MED28: variants seen among roughly 807,000 people sequenced by gnomAD.
MED28 encodes mediator of RNA polymerase II transcription subunit 28.
In MED28, 26 loss-of-function variants were observed where a neutral mutation model predicts 21.3. The observed-to-expected ratio is 1.22, with a 90% CI of 0.89 to 1.69. The LOEUF (loss-of-function observed/expected upper bound fraction) is 1.69, where lower values mean the gene tolerates loss of function less well. Among genes scored for constraint, MED28 ranks in the 40% most tolerant of loss-of-function variants. The pLI, the probability that MED28 is intolerant of heterozygous loss-of-function variation, is 0.00. For synonymous variants in MED28, 110 were observed against 87.6 expected (o/e 1.26, Z -1.43); for missense variants, 257 against 215.4 (o/e 1.19, Z -1.21).
Position 17,633,514 on chromosome 4 carries a change from A to G in MED28, c.*9716A>G, listed in dbSNP as rs1437853597. ...CAGACCTCCAGGCCAGATGGAGTCC[A>G]CCTTTTGTATAACCCATGCTGAAGT... On this transcript the variant is annotated 3_prime_UTR_variant, in exon 4 of 4. Transcript: ENST00000237380. 1 of 551,570 alleles carries G rather than the reference A, an allele frequency of 1.8e-6. No homozygotes were observed. The highest frequency in any genetic ancestry group is 3.7e-5 in the Admixed American group (1 of 26,756). 34.2% of individuals were successfully genotyped at this position (551,570 alleles called of 1,614,324 possible).
rs181375867 is a variant in MED28, at chr4:17,626,305, G to C, written c.*2507G>C. 70 of 152,520 alleles carry C rather than the reference G, an allele frequency of 4.6e-4. No homozygotes were observed. The highest frequency in any genetic ancestry group is 1.7e-3 in the African/African-American group (69 of 41,594). The allele number at this position is 152,520 out of a possible 1,614,324, so 9.4% of individuals were successfully genotyped here. A position where few individuals can be genotyped will look rare whatever the true frequency, so the allele number is the denominator to read the frequency against. ...GCTAGAATGTAGCAAGTATTCTTCA[G>C]GTGTTAGTGATTTCTGTTGTTCGGG... is the stretch of plus-strand genomic sequence containing the variant. On this transcript the variant is annotated 3_prime_UTR_variant, in exon 4 of 4. Transcript: ENST00000237380.
At chr4:17,620,266 G>T (rs1218098683) in intron 2 of MED28, among the ~76,000 whole-genome samples, 1 of 151,866 alleles carries the variant, frequency 6.6e-6, no homozygotes, top group African/African-American at 2.4e-5. Context: ...GTCTTACAGA[G>T]AAAAGTCTCT....
At chr4:17,617,750 A>G (rs1309770582) in intron 1 of MED28, among the ~76,000 whole-genome samples, 1 of 152,090 alleles carries the variant, frequency 6.6e-6, no homozygotes, top group Non-Finnish European at 1.5e-5. Flanking sequence ...CTAACTAAAA[A>G]TACAAAAATT....
chr4:17,619,929 A>T lies in MED28; in HGVS notation c.188A>T (p.Asp63Val). ...EACFASLVSQDYVNGTDQEEI... is the reference protein window; with the variant it reads ...EACFASLVSQVYVNGTDQEEI... ...TGCTTTGCATCTCTGGTGAGTCAGG[A>T]CTATGTCAATGGCACCGATCAGGAA... The change falls in exon 2 of 4, where the codon GAC becomes GTC. Residue 63 changes from aspartate to valine, a missense_variant. Coordinates refer to ENST00000237380, the MANE Select transcript of MED28 (RefSeq NM_025205.5). 6.2e-7 allele frequency: 1 copy of T among 1,614,126 alleles called. No homozygotes were observed. Among genetic ancestry groups the T allele is most frequent in the Non-Finnish European group, 8.5e-7 (1 of 1,179,996 alleles).
In MED28 at chr4:17,623,529, C is replaced by T. The variant is rs1274907167; in HGVS notation, c.340-72C>T. 4.1e-6 allele frequency: 6 copies of T among 1,448,812 alleles called. No individual in the cohort carries two copies. In the Admixed American group the frequency reaches 1.0e-4, roughly 25 times the overall value. The allele number at this position is 1,448,812 out of a possible 1,614,324, so 89.7% of individuals were successfully genotyped here. A position where few individuals can be genotyped will look rare whatever the true frequency, so the allele number is the denominator to read the frequency against. On this transcript the variant is annotated intron_variant, in intron 3 of 3. Transcript: ENST00000237380. ...ATTCTCTTTGTTTTGAATTGTTAGCCTCTTAACTAACCAGAACCGTATGTG... is the reference window on the plus strand; with the variant it reads ...ATTCTCTTTGTTTTGAATTGTTAGCTTCTTAACTAACCAGAACCGTATGTG...
At chr4:17,621,018 G>GGTT (rs530142104) in intron 2 of MED28, among the ~76,000 whole-genome samples, 9 of 130,748 alleles carry the variant, frequency 6.9e-5, no homozygotes, top group South Asian at 2.4e-4. Flanking sequence ...TCTGCCTTGT[G>GGTT]TTTTTTTTTT....
At position 17,629,967 on chromosome 4, in the gene MED28, T is replaced by C. The variant is rs982851952; in HGVS notation, c.*6169T>C. ...CAAGGCATATGGCCTCAATAAAAAA[T>C]TATGGAAGCATGCAAAGATTTTGTT... is the stretch of plus-strand genomic sequence containing the variant. On this transcript the variant is annotated 3_prime_UTR_variant, in exon 4 of 4. Transcript: ENST00000237380. The C allele has an allele frequency of 6.6e-6, 1 of 152,144 alleles. No individual in the cohort carries two copies. The highest frequency in any genetic ancestry group is 6.6e-5 in the Admixed American group (1 of 15,266). 9.4% of individuals were successfully genotyped at this position (152,144 alleles called of 1,614,324 possible).
chr4:17,622,008 T>C (rs879775533), intron 3 of MED28, among the ~76,000 whole-genome samples: 33 of 152,354 alleles, frequency 2.2e-4, no homozygotes, highest in Non-Finnish European at 4.1e-4. Context: ...CACTAACATA[T>C]AGGCTTGTTT....
intron 1 of MED28, among the ~76,000 whole-genome samples, chr4:17,618,210 C>T (rs1422451748): frequency 6.6e-6 from 1 of 151,906 alleles, no homozygotes; most frequent in South Asian, 2.1e-4. Flanking sequence ...GGTTTCACCA[C>T]GTTGCCCATG....
Position 17,633,884 on chromosome 4 carries a change from T to TTTTTCTGTTTGTATTA in MED28, c.*10087_*10102dup. On this transcript the variant is annotated 3_prime_UTR_variant, in exon 4 of 4. Transcript: ENST00000237380. ...GCGGCTGGGCACGTCCTCCACCTTC[T>TTTTTCTGTTTGTATTA]TTTTCTGTTTGTATTAATGGACAGG... 1 of 1,546,018 alleles carries TTTTTCTGTTTGTATTA rather than the reference T, an allele frequency of 6.5e-7. No individual in the cohort carries two copies. The highest frequency in any genetic ancestry group is 1.4e-5 in the African/African-American group (1 of 72,916).
chr4:17,617,890 A>G (rs1334662511), intron 1 of MED28, among the ~76,000 whole-genome samples: 1 of 151,892 alleles, frequency 6.6e-6, no homozygotes, highest in East Asian at 1.9e-4. Flanking sequence ...TGGGCAATAG[A>G]GTGAGACTCC....
At position 17,633,468 on chromosome 4, in the gene MED28, A is replaced by G; in HGVS notation, c.*9670A>G. 2.3e-6 allele frequency: 1 copy of G among 443,490 alleles called. No individual in the cohort carries two copies. Among genetic ancestry groups the G allele is most frequent in the Non-Finnish European group, 4.0e-6 (1 of 251,090 alleles). 27.5% of individuals were successfully genotyped at this position (443,490 alleles called of 1,614,324 possible). On this transcript the variant is annotated 3_prime_UTR_variant, in exon 4 of 4. Transcript: ENST00000237380. ...GTCCAAGGCCACAGAGCTAAGAATG[A>G]GGAAGACTGTAATTTGAATTCAGAC...
chr4:17,633,662 G>A lies in MED28; in HGVS notation c.*9864G>A, dbSNP rs1458283306. On this transcript the variant is annotated 3_prime_UTR_variant, in exon 4 of 4. Coordinates refer to ENST00000237380, the MANE Select transcript of MED28 (RefSeq NM_025205.5). ...CTTATCTACAGGGAAATAGAATAAG[G>A]GCCCCTGTCCCCAACATCCCCCAAA... is the stretch of plus-strand genomic sequence containing the variant. 2 of 1,462,666 alleles carry A rather than the reference G, an allele frequency of 1.4e-6. No homozygotes were observed. The highest frequency in any genetic ancestry group is 1.4e-5 in the African/African-American group (1 of 69,136). The allele number at this position is 1,462,666 out of a possible 1,614,324, so 90.6% of individuals were successfully genotyped here. A position where few individuals can be genotyped will look rare whatever the true frequency, so the allele number is the denominator to read the frequency against.
rs1714759410 is a variant in MED28, at chr4:17,625,772, T to G, written c.*1974T>G. 1 of 410,162 alleles carries G rather than the reference T, an allele frequency of 2.4e-6. No individual in the cohort carries two copies. The highest frequency in any genetic ancestry group is 4.8e-6 in the Non-Finnish European group (1 of 209,830). 25.4% of individuals were successfully genotyped at this position (410,162 alleles called of 1,614,324 possible). A position where few individuals can be genotyped will look rare whatever the true frequency, so the allele number is the denominator to read the frequency against. ...CCCTAGAAACCTGTGGAATGCCCTCTGCCAAGCACTGCTCTGGTACTGGGG... is the reference window on the plus strand; with the variant it reads ...CCCTAGAAACCTGTGGAATGCCCTCGGCCAAGCACTGCTCTGGTACTGGGG... On this transcript the variant is annotated 3_prime_UTR_variant, in exon 4 of 4. Transcript: ENST00000237380.
chr4:17,622,110 G>A (rs980434079), intron 3 of MED28, among the ~76,000 whole-genome samples: 1 of 152,196 alleles, frequency 6.6e-6, no homozygotes, highest in Non-Finnish European at 1.5e-5. Flanking sequence ...TTCGACCCAG[G>A]TTCCTGGAAA....
At position 17,621,648 on chromosome 4, in the gene MED28, AC is replaced by A; in HGVS notation, c.289del (p.Gln97LysfsTer22). The A allele has an allele frequency of 6.2e-7, 1 of 1,610,936 alleles. No homozygotes were observed. Among genetic ancestry groups the A allele is most frequent in the Non-Finnish European group, 8.5e-7 (1 of 1,179,316 alleles). ...IARQTECFFL[Q>X]KRLQLSVQKP... ...CAAGACAGACAGAATGTTTTTTCTT[AC>A]AAAAAAGATTGCAGTTATCTGTCCA... On this transcript the variant is annotated frameshift_variant, in exon 3 of 4. Coordinates refer to ENST00000237380, the MANE Select transcript of MED28 (RefSeq NM_025205.5). LOFTEE classifies it high-confidence loss of function.
intron 1 of MED28, among the ~76,000 whole-genome samples, chr4:17,617,119 G>A (rs1251346117): frequency 1.3e-5 from 2 of 152,226 alleles, no homozygotes; most frequent in African/African-American, 2.4e-5. Context: ...AGCCAAAGAA[G>A]CATTTTGACT....
rs1264564928 is a variant in MED28, at chr4:17,630,551, G to GT, written c.*6756dup. On this transcript the variant is annotated 3_prime_UTR_variant, in exon 4 of 4. Transcript: ENST00000237380. ...GGACTGTGAGTGACATATTTCTATT[G>GT]TTTATAAATTATCCAGTATAAGTAA... 4 of 152,120 alleles carry GT rather than the reference G, an allele frequency of 2.6e-5. No homozygotes were observed. The highest frequency in any genetic ancestry group is 4.8e-5 in the African/African-American group (2 of 41,412). The allele number at this position is 152,120 out of a possible 1,614,324, so 9.4% of individuals were successfully genotyped here.
Position 17,633,628 on chromosome 4 carries a change from A to AC in MED28, c.*9831dup. 7.4e-7 allele frequency: 1 copy of AC among 1,357,114 alleles called. No homozygotes were observed. The highest frequency in any genetic ancestry group is 9.6e-7 in the Non-Finnish European group (1 of 1,039,376). The allele number at this position is 1,357,114 out of a possible 1,614,324, so 84.1% of individuals were successfully genotyped here. On this transcript the variant is annotated 3_prime_UTR_variant, in exon 4 of 4. Coordinates refer to ENST00000237380, the MANE Select transcript of MED28 (RefSeq NM_025205.5). ...GGTACCAGGTGCTAGAAAGAATCCT[A>AC]CTTCCCCTCTTATCTACAGGGAAAT...
Sources: allele counts gnomAD v4.1 joint callset (sites outside exome capture counted in the v4.1 genomes callset), GRCh38; gene constraint gnomAD v4.1.1; transcripts MANE v1.5; gene names NCBI Gene and HGNC (gene_info 2026-07-23, HGNC 2026-07-21).